Variants in AFG2A observed in about 807,000 individuals in gnomAD.
AFG2A encodes ATPase family gene 2 protein homolog A.
the AFG2A span, among the ~76,000 whole-genome samples, chr4:123,016,325 CGGG>C: frequency 6.6e-6 from 1 of 150,438 alleles, no homozygotes; most frequent in Non-Finnish European, 1.5e-5. Context: ...ACTTCCTAGA[CGGG>C]GTGGCTGCCG....
chr4:123,208,153 C>T, the AFG2A span, among the ~76,000 whole-genome samples: 6 of 152,196 alleles, frequency 3.9e-5, no homozygotes, highest in East Asian at 1.9e-4. Flanking sequence ...ATGAATTAAT[C>T]GAATATCCAC....
the AFG2A span, among the ~76,000 whole-genome samples, chr4:123,230,783 A>G: frequency 6.6e-6 from 1 of 152,014 alleles, no homozygotes; most frequent in Admixed American, 6.6e-5. Flanking sequence ...TCTTTAATTC[A>G]TGAGTTGCAG....
the AFG2A span, among the ~76,000 whole-genome samples, chr4:122,999,594 G>A: frequency 6.6e-6 from 1 of 151,748 alleles, no homozygotes; most frequent in Non-Finnish European, 1.5e-5. Context: ...GTTTTTCTCA[G>A]GTTTGTCAAA....
At chr4:123,047,354 C>T in the AFG2A span, among the ~76,000 whole-genome samples, 5 of 149,326 alleles carry the variant, frequency 3.3e-5, no homozygotes, top group Admixed American at 6.7e-5. Context: ...ATTATGATGT[C>T]GAACATTTTT....
At chr4:123,074,913 G>T in the AFG2A span, among the ~76,000 whole-genome samples, 2 of 152,096 alleles carry the variant, frequency 1.3e-5, no homozygotes, top group Admixed American at 1.3e-4. Flanking sequence ...TTGATAACAT[G>T]GTATTTTGGG....
the AFG2A span, among the ~76,000 whole-genome samples, chr4:123,147,774 G>A: frequency 6.6e-6 from 1 of 152,016 alleles, no homozygotes; most frequent in Non-Finnish European, 1.5e-5. Context: ...ATTAAGAAAC[G>A]AACTTTCTAT....
chr4:123,281,258 A>G, the AFG2A span, among the ~76,000 whole-genome samples: 18 of 152,294 alleles, frequency 1.2e-4, no homozygotes, highest in South Asian at 3.7e-3. Flanking sequence ...ACAGGAAAAT[A>G]TGTCTCCCTT....
the AFG2A span, among the ~76,000 whole-genome samples, chr4:123,106,035 AGT>A: frequency 6.6e-6 from 1 of 152,180 alleles, no homozygotes; most frequent in Non-Finnish European, 1.5e-5. Context: ...TGAAAGGAAG[AGT>A]CAGTCGATGT....
At chr4:123,155,047 T>C in the AFG2A span, among the ~76,000 whole-genome samples, 1 of 152,100 alleles carries the variant, frequency 6.6e-6, no homozygotes, top group African/African-American at 2.4e-5. Context: ...CTCTTGAATG[T>C]TTCTTTCCTG....
chr4:123,154,513 A>G, the AFG2A span, among the ~76,000 whole-genome samples: 4 of 152,204 alleles, frequency 2.6e-5, no homozygotes, highest in Admixed American at 2.6e-4. Context: ...AAAGTGTATG[A>G]TAAGTGTCCA....
At chr4:123,076,759 A>G in the AFG2A span, among the ~76,000 whole-genome samples, 1 of 152,142 alleles carries the variant, frequency 6.6e-6, no homozygotes, top group South Asian at 2.1e-4. Flanking sequence ...AGAAATAAAG[A>G]TAACTGCAAC....
the AFG2A span, among the ~76,000 whole-genome samples, chr4:123,041,201 C>T: frequency 1.3e-5 from 2 of 151,516 alleles, no homozygotes; most frequent in African/African-American, 2.4e-5. Context: ...AGCTCCACCT[C>T]CCGGGTTCAC....
chr4:123,006,674 A>G, the AFG2A span, among the ~76,000 whole-genome samples: 1 of 151,998 alleles, frequency 6.6e-6, no homozygotes, highest in Non-Finnish European at 1.5e-5. Context: ...TGGACATTGT[A>G]GTTTTCTTCT....
chr4:123,103,023 TTC>T, the AFG2A span, among the ~76,000 whole-genome samples: 77 of 152,188 alleles, frequency 5.1e-4, 1 homozygote, highest in African/African-American at 1.8e-3. Flanking sequence ...ACATTTTGAC[TTC>T]TCTGTTTTCT....
the AFG2A span, among the ~76,000 whole-genome samples, chr4:123,175,700 T>C: frequency 1.3e-5 from 2 of 152,364 alleles, no homozygotes; most frequent in South Asian, 4.1e-4. Context: ...GGATGTTTAC[T>C]GTGGAAGTGT....
the AFG2A span, among the ~76,000 whole-genome samples, chr4:123,308,661 G>A: frequency 3.3e-5 from 5 of 152,182 alleles, no homozygotes; most frequent in African/African-American, 9.6e-5. Context: ...TGTCTTCCAC[G>A]AAACCAGTCC....
the AFG2A span, among the ~76,000 whole-genome samples, chr4:122,970,099 C>T: frequency 6.6e-6 from 1 of 152,138 alleles, no homozygotes; most frequent in Non-Finnish European, 1.5e-5. Flanking sequence ...TGTCCTGGGC[C>T]TTCACATTTG....
At chr4:123,142,089 G>T in the AFG2A span, among the ~76,000 whole-genome samples, 1 of 152,080 alleles carries the variant, frequency 6.6e-6, no homozygotes, top group Admixed American at 6.5e-5. Flanking sequence ...GTGAATATAG[G>T]TTATATTTTT....
At chr4:122,987,501 C>A in the AFG2A span, among the ~76,000 whole-genome samples, 1 of 151,112 alleles carries the variant, frequency 6.6e-6, no homozygotes, top group Non-Finnish European at 1.5e-5. Flanking sequence ...CTTTCTTCTT[C>A]TCTTGCTGTC....
Sources: gnomAD v4.1 joint callset for allele counts (sites outside exome capture counted in the v4.1 genomes callset) on GRCh38, gnomAD v4.1.1 for gene constraint, MANE v1.5 for transcripts, NCBI Gene and HGNC (gene_info 2026-07-23, HGNC 2026-07-21) for gene names.